LMBR1: variants seen among roughly 807,000 people sequenced by gnomAD.
LMBR1 encodes limb development membrane protein 1.
In LMBR1, 52 loss-of-function variants were observed where a neutral mutation model predicts 73.9. That is an observed-to-expected ratio of 0.70 (90% confidence interval 0.56 to 0.89). The LOEUF is 0.89. LMBR1 is among the 40% of genes least tolerant of loss of function. The probability of loss-of-function intolerance (pLI) is 0.00; values close to 1 mark genes in which losing one functional copy is unlikely to be tolerated. For synonymous variants in LMBR1, 215 were observed against 209.4 expected (o/e 1.03, Z -0.23); for missense variants, 539 against 579.8 (o/e 0.93, Z 0.72).
intron 4 of LMBR1, among the ~76,000 whole-genome samples, chr7:156,805,436 G>A (rs1248463027): frequency 6.6e-6 from 1 of 151,936 alleles, no homozygotes; most frequent in Non-Finnish European, 1.5e-5. Flanking sequence ...GGCTTGTCTC[G>A]AACTCCTGAC....
chr7:156,859,364 C>T (rs1797418627), intron 1 of LMBR1, among the ~76,000 whole-genome samples: 1 of 151,168 alleles, frequency 6.6e-6, no homozygotes, highest in African/African-American at 2.4e-5. Context: ...TACAGTAAGA[C>T]AAGAAAAGGA....
chr7:156,860,910 G>A (rs777933581), intron 1 of LMBR1, among the ~76,000 whole-genome samples: 11 of 152,150 alleles, frequency 7.2e-5, no homozygotes, highest in East Asian at 1.9e-4. Flanking sequence ...CCCCTGTGGC[G>A]GAGGATAGCC....
chr7:156,694,245 A>G (rs925274319), intron 15 of LMBR1, among the ~76,000 whole-genome samples: 1 of 151,980 alleles, frequency 6.6e-6, no homozygotes, highest in African/African-American at 2.4e-5. Flanking sequence ...AAATGATCCC[A>G]CCTCAGCCTT....
At position 156,722,857 on chromosome 7, in the gene LMBR1, T is replaced by C. The variant is rs144199910; in HGVS notation, c.1225+1255A>G. Reference sequence around the variant, plus strand: ...AATTTTCTTCCATAAAATCGGTATATATTAATGATTAGCAATCAATCTTAA... The same window carrying C: ...AATTTTCTTCCATAAAATCGGTATACATTAATGATTAGCAATCAATCTTAA... On this transcript the variant is annotated intron_variant, in intron 15 of 16. Transcript: ENST00000353442. Among the ~76,000 whole-genome samples, 389 of 152,254 alleles carry C rather than the reference T, an allele frequency of 2.6e-3. 1 individual carries two copies. Among genetic ancestry groups the C allele is most frequent in the African/African-American group, 8.5e-3 (355 of 41,568 alleles).
chr7:156,786,937 A>G (rs1309846701), intron 5 of LMBR1, among the ~76,000 whole-genome samples: 1 of 152,200 alleles, frequency 6.6e-6, no homozygotes, highest in Non-Finnish European at 1.5e-5. Context: ...TAAATTATAC[A>G]TAACATTTTT....
chr7:156,813,807 T>C (rs1352426068), intron 4 of LMBR1, among the ~76,000 whole-genome samples: 1 of 152,232 alleles, frequency 6.6e-6, no homozygotes, highest in Non-Finnish European at 1.5e-5. Context: ...TCCTTTACAC[T>C]GTTCAATACC....
At chr7:156,864,507 A>C (rs1798173089) in intron 1 of LMBR1, among the ~76,000 whole-genome samples, 1 of 152,224 alleles carries the variant, frequency 6.6e-6, no homozygotes, top group African/African-American at 2.4e-5. Context: ...ATAGGAGGTT[A>C]CGAATGAAGA....
At chr7:156,715,380 A>G (rs1369275266) in intron 15 of LMBR1, among the ~76,000 whole-genome samples, 2 of 152,204 alleles carry the variant, frequency 1.3e-5, no homozygotes, top group African/African-American at 4.8e-5. Context: ...TATTCTGGAC[A>G]TTTCATGGAA....
chr7:156,805,971 T>C (rs1831986763), intron 4 of LMBR1, among the ~76,000 whole-genome samples: 1 of 152,150 alleles, frequency 6.6e-6, no homozygotes, highest in Non-Finnish European at 1.5e-5. Context: ...GAGCCAAGAA[T>C]AGGGTCCTCA....
intron 7 of LMBR1, 102 bp from the exon 8 acceptor site, chr7:156,762,300 C>A: frequency 1.3e-6 from 1 of 741,572 alleles, no homozygotes; most frequent in South Asian, 1.7e-5. Flanking sequence ...CAAGGATTAT[C>A]ATTTTAAGAA....
rs1470468820 is a variant in LMBR1, at chr7:156,756,381, A to G, written c.757+12T>C. ...TTTTTTATCCCCGTCTAAATATGTA[A>G]TATAAACATACCATTTAGTCGTCTC... On this transcript the variant is annotated intron_variant, in intron 9 of 16. Transcript: ENST00000353442. 2 of 1,265,008 alleles carry G rather than the reference A, an allele frequency of 1.6e-6. No homozygotes were observed. The allele number at this position is 1,265,008 out of a possible 1,614,324, so 78.4% of individuals were successfully genotyped here.
intron 4 of LMBR1, among the ~76,000 whole-genome samples, chr7:156,672,115 G>T (rs1220713105): frequency 6.6e-6 from 1 of 152,148 alleles, no homozygotes; most frequent in East Asian, 1.9e-4. Flanking sequence ...GCATTTATTT[G>T]CTTTCTTGCT....
chr7:156,723,763 C>T (rs3778926), intron 15 of LMBR1, among the ~76,000 whole-genome samples: 18,218 of 151,936 alleles, frequency 0.12, 1,168 homozygotes, highest in East Asian at 0.16. Flanking sequence ...AAATTATAAA[C>T]GCTCAAAAGC....
At chr7:156,751,213 T>C (rs1820816583) in intron 9 of LMBR1, among the ~76,000 whole-genome samples, 2 of 151,822 alleles carry the variant, frequency 1.3e-5, no homozygotes, top group South Asian at 2.1e-4. Flanking sequence ...AAAAATGCTA[T>C]AGAAAAAAAT....
At chr7:156,813,054 A>G (rs1306700441) in intron 4 of LMBR1, among the ~76,000 whole-genome samples, 1 of 152,114 alleles carries the variant, frequency 6.6e-6, no homozygotes, top group Non-Finnish European at 1.5e-5. Flanking sequence ...CCTTAGCCAG[A>G]CTATTTAGCT....
At chr7:156,727,856 T>C in intron 12 of LMBR1, 74 bp downstream of exon 12, 1 of 979,310 alleles carries the variant, frequency 1.0e-6, no homozygotes, top group Non-Finnish European at 1.6e-6. Context: ...TTTCATTTGC[T>C]TACTTGAAAT....
intron 5 of LMBR1, among the ~76,000 whole-genome samples, chr7:156,779,367 T>C (rs948102691): frequency 6.6e-6 from 1 of 152,238 alleles, no homozygotes; most frequent in Non-Finnish European, 1.5e-5. Flanking sequence ...TTTCTGCCAA[T>C]GAAACATGAG....
intron 13 of LMBR1, 95 bp from the exon 14 acceptor site, chr7:156,725,620 A>G (rs1469372192): frequency 8.1e-7 from 1 of 1,231,232 alleles, no homozygotes; most frequent in Non-Finnish European, 1.1e-6. Flanking sequence ...AGGAAAAGCA[A>G]AACAAAAAGC....
At position 156,893,023 on chromosome 7, in the gene LMBR1, G is replaced by A. The variant is rs1195089650; in HGVS notation, c.-30C>T. ...CTTCATGCCCGCCGCCGCGCCGCCC[G>A]CGTCCGCGTGCTCCGCCACACCATC... On this transcript the variant is annotated 5_prime_UTR_variant, in exon 1 of 17. Transcript: ENST00000353442. 4 of 1,472,746 alleles carry A rather than the reference G, an allele frequency of 2.7e-6. No individual in the cohort carries two copies. The highest frequency in any genetic ancestry group is 2.9e-5 in the African/African-American group (2 of 68,472). 91.2% of individuals were successfully genotyped at this position (1,472,746 alleles called of 1,614,324 possible). A position where few individuals can be genotyped will look rare whatever the true frequency, so the allele number is the denominator to read the frequency against.
Sources: gnomAD v4.1 joint callset for allele counts (sites outside exome capture counted in the v4.1 genomes callset) on GRCh38, gnomAD v4.1.1 for gene constraint, MANE v1.5 for transcripts, NCBI Gene and HGNC (gene_info 2026-07-23, HGNC 2026-07-21) for gene names.